Variants in MAPK10 observed in about 807,000 individuals in gnomAD.
The protein encoded by MAPK10 is mitogen-activated protein kinase 10.
MAPK10 carries 25 observed loss-of-function variants against 59.3 expected under a neutral mutation model. The observed-to-expected ratio is 0.42, with a 90% CI of 0.31 to 0.59. The LOEUF (loss-of-function observed/expected upper bound fraction) is 0.59, where lower values mean the gene tolerates loss of function less well. Ranked by LOEUF, MAPK10 falls within the 20% of genes least tolerant of loss-of-function variation. MAPK10 has a pLI of 0.15. For synonymous variants in MAPK10, 190 were observed against 200.5 expected (o/e 0.95, Z 0.44); for missense variants, 351 against 568.9 (o/e 0.62, Z 3.90).
chr4:86,157,698 C>T (rs2068242880), intron 4 of MAPK10, among the ~76,000 whole-genome samples: 1 of 151,946 alleles, frequency 6.6e-6, no homozygotes, highest in African/African-American at 2.4e-5. Context: ...AGATAACTTC[C>T]ACCCTATAGA....
chr4:86,209,901 C>A (rs1415256154), intron 2 of MAPK10, among the ~76,000 whole-genome samples: 1 of 152,064 alleles, frequency 6.6e-6, no homozygotes, highest in Non-Finnish European at 1.5e-5. Context: ...GTAACCAAAG[C>A]TGTATGGTGC....
chr4:86,062,431 ATT>A (rs2045924383), intron 11 of MAPK10, among the ~76,000 whole-genome samples: 1 of 152,176 alleles, frequency 6.6e-6, no homozygotes, highest in Admixed American at 6.5e-5. Flanking sequence ...GTTAAAATAA[ATT>A]TAAAAACTCA....
At chr4:86,514,497 C>A (rs550369469) in intron 1 of MAPK10, among the ~76,000 whole-genome samples, 1 of 152,172 alleles carries the variant, frequency 6.6e-6, no homozygotes, top group East Asian at 1.9e-4. Context: ...TAAATGTTTT[C>A]TTTTAGAGAG....
At chr4:86,467,785 G>A (rs533925140) in intron 1 of MAPK10, among the ~76,000 whole-genome samples, 1 of 152,126 alleles carries the variant, frequency 6.6e-6, no homozygotes, top group African/African-American at 2.4e-5. Context: ...CCCAAAGTGC[G>A]GGAATGGCAG....
chr4:86,423,177 G>T (rs1376134055), intron 1 of MAPK10, among the ~76,000 whole-genome samples: 4 of 152,002 alleles, frequency 2.6e-5, no homozygotes, highest in Admixed American at 2.0e-4. Context: ...GGAGACAAAA[G>T]GCATTCTGAG....
chr4:86,579,933 C>T (rs1351561547), intron 1 of MAPK10, among the ~76,000 whole-genome samples: 1 of 152,026 alleles, frequency 6.6e-6, no homozygotes, highest in Admixed American at 6.6e-5. Flanking sequence ...CCCACCTCAG[C>T]CTCCCAAGTA....
At chr4:86,214,889 T>C (rs2086989923) in intron 2 of MAPK10, among the ~76,000 whole-genome samples, 1 of 152,102 alleles carries the variant, frequency 6.6e-6, no homozygotes. Flanking sequence ...ATCACATTGA[T>C]TTTTGCAAAA....
intron 1 of MAPK10, among the ~76,000 whole-genome samples, chr4:86,367,499 G>A (rs1455962068): frequency 2.6e-5 from 4 of 152,150 alleles, no homozygotes; most frequent in Non-Finnish European, 4.4e-5. Flanking sequence ...TTTATTACAC[G>A]TACTACAGTG....
chr4:86,296,084 G>A (rs1231323336), intron 2 of MAPK10, among the ~76,000 whole-genome samples: 4 of 151,246 alleles, frequency 2.6e-5, no homozygotes, highest in Non-Finnish European at 5.9e-5. Flanking sequence ...GCTGAGGCAG[G>A]AGAATCGCTT....
At chr4:86,503,505 AC>A (rs1361363203) in intron 1 of MAPK10, among the ~76,000 whole-genome samples, 2 of 152,098 alleles carry the variant, frequency 1.3e-5, no homozygotes, top group Admixed American at 1.3e-4. Context: ...GCTCATTATT[AC>A]CTAACAAATT....
At chr4:86,310,106 C>T (rs114808255) in intron 2 of MAPK10, among the ~76,000 whole-genome samples, 2,348 of 152,270 alleles carry the variant, frequency 0.015, 32 homozygotes, top group Non-Finnish European at 0.023. Context: ...CTATCTCTGA[C>T]CTGGAAGCTC....
chr4:86,336,648 T>C (rs6531918), intron 2 of MAPK10: 109,891 of 152,090 alleles, frequency 0.72, 40,485 homozygotes, highest in South Asian at 0.9. Context: ...CACCACACTC[T>C]CTATTCCATA....
At chr4:86,075,113 A>T (rs1212417180) in intron 9 of MAPK10, among the ~76,000 whole-genome samples, 1 of 150,784 alleles carries the variant, frequency 6.6e-6, no homozygotes, top group Non-Finnish European at 1.5e-5. Flanking sequence ...TTTTTTCTCT[A>T]AACTTCCCTT....
chr4:86,241,731 C>G (rs965074552), intron 2 of MAPK10, among the ~76,000 whole-genome samples: 1 of 152,132 alleles, frequency 6.6e-6, no homozygotes, highest in South Asian at 2.1e-4. Context: ...ATTCCTCTAA[C>G]CTTTTATCAA....
chr4:86,415,170 A>AT (rs1745710174), intron 1 of MAPK10, among the ~76,000 whole-genome samples: 1 of 150,334 alleles, frequency 6.7e-6, no homozygotes. Context: ...CCATTACGGC[A>AT]TTTTATCTGT....
At chr4:86,033,171 A>C (rs1157090144) in intron 11 of MAPK10, among the ~76,000 whole-genome samples, 1 of 152,226 alleles carries the variant, frequency 6.6e-6, no homozygotes, top group Non-Finnish European at 1.5e-5. Context: ...TTATTTTTGA[A>C]AAATTGTGAA....
intron 4 of MAPK10, among the ~76,000 whole-genome samples, chr4:86,150,349 T>C (rs561694090): frequency 4.6e-5 from 7 of 152,206 alleles, no homozygotes; most frequent in Non-Finnish European, 8.8e-5. Flanking sequence ...TTAGGTAACA[T>C]GTACACCACT....
At chr4:86,558,792 T>C (rs1284976951) in intron 1 of MAPK10, among the ~76,000 whole-genome samples, 1 of 151,014 alleles carries the variant, frequency 6.6e-6, no homozygotes, top group Non-Finnish European at 1.5e-5. Context: ...CTGAAGAAAT[T>C]AGAGTATGCA....
intron 2 of MAPK10, among the ~76,000 whole-genome samples, chr4:86,340,083 T>C (rs1161982861): frequency 6.6e-6 from 1 of 152,222 alleles, no homozygotes; most frequent in East Asian, 1.9e-4. Context: ...TAATGATACT[T>C]GCTAAAAGAT....
Sources: allele counts gnomAD v4.1 joint callset (sites outside exome capture counted in the v4.1 genomes callset), GRCh38; gene constraint gnomAD v4.1.1; transcripts MANE v1.5; gene names NCBI Gene and HGNC (gene_info 2026-07-23, HGNC 2026-07-21).